Variants in FRMD4A observed in about 807,000 individuals in gnomAD.
FRMD4A encodes the protein FERM domain containing 4A, also known as FERM domain-containing protein 4A.
In FRMD4A, 29 loss-of-function variants were observed where a neutral mutation model predicts 129.1. The observed-to-expected ratio is 0.22, with a 90% CI of 0.17 to 0.31. The LOEUF (loss-of-function observed/expected upper bound fraction) is 0.31, where lower values mean the gene tolerates loss of function less well. FRMD4A is among the 10% of genes least tolerant of loss of function. The probability of loss-of-function intolerance (pLI) is 1.00; values close to 1 mark genes in which losing one functional copy is unlikely to be tolerated. For synonymous variants in FRMD4A, 634 were observed against 571.6 expected, an observed-to-expected ratio of 1.11 and a Z score of -1.56; for missense variants, 1,272 against 1,375.8, an observed-to-expected ratio of 0.92 and a Z score of 1.19.
In FRMD4A at chr10:13,818,784, C is replaced by T. The variant is rs549025755; in HGVS notation, c.112-7876G>A. On this transcript the variant is annotated intron_variant, in intron 3 of 24. Coordinates refer to ENST00000357447, the MANE Select transcript of FRMD4A (RefSeq NM_018027.5). The stretch of plus-strand genomic sequence containing the variant: ...TACTTAGAATATGCCTGGCATGGAA[C>T]GTTACTTGTATTCATTATTTCAGAT... Among the ~76,000 whole-genome samples, 10 of 152,200 alleles carry T rather than the reference C, an allele frequency of 6.6e-5. No individual in the cohort carries two copies. In the East Asian group the frequency reaches 9.7e-4, roughly 15 times the overall value.
intron 2 of FRMD4A, among the ~76,000 whole-genome samples, chr10:14,230,267 T>G (rs1460403562): frequency 6.6e-6 from 1 of 152,166 alleles, no homozygotes; most frequent in Admixed American, 6.5e-5. Context: ...ATTTTGCCAG[T>G]TGTTGTTGTC....
At chr10:14,289,154 A>C (rs1181060806) in intron 2 of FRMD4A, among the ~76,000 whole-genome samples, 1 of 152,162 alleles carries the variant, frequency 6.6e-6, no homozygotes, top group Non-Finnish European at 1.5e-5. Flanking sequence ...TTGCTGGTTT[A>C]TATGATAATT....
chr10:14,312,129 A>C (rs1846571051), intron 2 of FRMD4A, among the ~76,000 whole-genome samples: 1 of 152,226 alleles, frequency 6.6e-6, no homozygotes, highest in Admixed American at 6.5e-5. Context: ...AAGAGCGGGG[A>C]GCATTCTGAG....
At chr10:13,971,959 C>G (rs1013881909) in intron 2 of FRMD4A, 1 of 1,204,276 alleles carries the variant, frequency 8.3e-7, no homozygotes, top group Non-Finnish European at 1.1e-6. Flanking sequence ...CTCCCCCTAC[C>G]TACCCTCACC....
intron 2 of FRMD4A, among the ~76,000 whole-genome samples, chr10:14,132,207 G>A (rs1839296826): frequency 6.6e-6 from 1 of 152,168 alleles, no homozygotes; most frequent in Admixed American, 6.5e-5. Flanking sequence ...AGAATCGCTT[G>A]AGTCTGGGAG....
chr10:13,770,848 A>G (rs910099171), intron 6 of FRMD4A, among the ~76,000 whole-genome samples: 2 of 152,106 alleles, frequency 1.3e-5, no homozygotes, highest in African/African-American at 2.4e-5. Context: ...TCCTTCTCTC[A>G]TACCCCCTCT....
At chr10:13,699,368 C>T (rs1186670365) in intron 14 of FRMD4A, among the ~76,000 whole-genome samples, 4 of 151,758 alleles carry the variant, frequency 2.6e-5, no homozygotes, top group African/African-American at 7.3e-5. Flanking sequence ...TGAGCCATGG[C>T]GGCCGGCCAA....
chr10:13,657,708 G>A (rs1339806661), intron 21 of FRMD4A, among the ~76,000 whole-genome samples, 186 bp from the exon 22 acceptor site: 1 of 152,084 alleles, frequency 6.6e-6, no homozygotes, highest in Non-Finnish European at 1.5e-5. Flanking sequence ...ATTGCGGGAG[G>A]TGAACCTGGG....
At position 14,184,155 on chromosome 10, in the gene FRMD4A, A is replaced by C. The variant is rs1236817455; in HGVS notation, c.45+145903T>G. ...TTTTTTTTTTTTTTTTTTTTGAGAG[A>C]GTCTCACTCTCTGTTGCCCAGGCTG... On this transcript the variant is annotated intron_variant, in intron 2 of 24. Transcript: ENST00000357447. 2.8e-5 allele frequency among the ~76,000 whole-genome samples: 3 copies of C among 107,748 alleles called. No homozygotes were observed. The East Asian group carries it at 8.7e-4, about 31-fold the overall frequency. 70.7% of individuals were successfully genotyped at this position (107,748 alleles called of 152,430 possible).
At chr10:13,834,496 T>G (rs1255033784) in intron 3 of FRMD4A, among the ~76,000 whole-genome samples, 1 of 152,188 alleles carries the variant, frequency 6.6e-6, no homozygotes, top group African/African-American at 2.4e-5. Context: ...ATCAAGCCCC[T>G]TCCCCCGGAG....
chr10:13,809,891 C>T (rs1253370527), intron 4 of FRMD4A, among the ~76,000 whole-genome samples: 1 of 152,206 alleles, frequency 6.6e-6, no homozygotes, highest in East Asian at 1.9e-4. Context: ...CAAGTGTAGC[C>T]ATGTGCAGGG....
chr10:14,270,906 A>G (rs564337850), intron 2 of FRMD4A, among the ~76,000 whole-genome samples: 23 of 152,324 alleles, frequency 1.5e-4, no homozygotes, highest in Admixed American at 3.9e-4. Flanking sequence ...TGCTGCAAAG[A>G]TACACTTGAG....
intron 17 of FRMD4A, among the ~76,000 whole-genome samples, chr10:13,669,410 G>A (rs1417260989): frequency 1.3e-5 from 2 of 152,176 alleles, no homozygotes; most frequent in African/African-American, 4.8e-5. Flanking sequence ...TGGTGTGTCT[G>A]CCAGTGTCCC....
chr10:13,690,038 ACTAT>A (rs1428183214), intron 15 of FRMD4A, among the ~76,000 whole-genome samples: 6 of 152,242 alleles, frequency 3.9e-5, no homozygotes, highest in Admixed American at 3.3e-4. Context: ...ATTATTAGAC[ACTAT>A]CTAACAAGGA....
intron 2 of FRMD4A, among the ~76,000 whole-genome samples, chr10:14,080,275 A>G (rs1003814870): frequency 6.6e-6 from 1 of 151,860 alleles, no homozygotes; most frequent in African/African-American, 2.4e-5. Context: ...CAAACAGCCC[A>G]TTCCCTGCCC....
At chr10:13,942,552 G>A (rs1400946070) in intron 2 of FRMD4A, among the ~76,000 whole-genome samples, 2 of 152,328 alleles carry the variant, frequency 1.3e-5, no homozygotes, top group Admixed American at 6.5e-5. Context: ...GAAAAGGTAC[G>A]AATGAATTGT....
At chr10:14,042,669 T>G (rs796521067) in intron 2 of FRMD4A, among the ~76,000 whole-genome samples, 10 of 152,076 alleles carry the variant, frequency 6.6e-5, no homozygotes, top group African/African-American at 2.4e-4. Context: ...GATAAGAAAT[T>G]TATTTGAAAA....
intron 2 of FRMD4A, among the ~76,000 whole-genome samples, chr10:14,033,875 A>T (rs1420078089): frequency 6.6e-6 from 1 of 152,136 alleles, no homozygotes; most frequent in Admixed American, 6.6e-5. Context: ...TTAGGAAGGA[A>T]GGGAGAAAAT....
intron 4 of FRMD4A, among the ~76,000 whole-genome samples, chr10:13,804,712 TTC>T (rs2093329938): frequency 1.8e-5 from 1 of 55,130 alleles, no homozygotes; most frequent in African/African-American, 6.7e-5. Flanking sequence ...ACCCAGCTAA[TTC>T]TTTTTTTTTT....
Sources: allele counts gnomAD v4.1 joint callset (sites outside exome capture counted in the v4.1 genomes callset), GRCh38; gene constraint gnomAD v4.1.1; transcripts MANE v1.5; gene names NCBI Gene and HGNC (gene_info 2026-07-23, HGNC 2026-07-21).